STARD3: variants seen among roughly 807,000 people sequenced by gnomAD.
STARD3 encodes StAR related lipid transfer domain containing 3.
STARD3 carries 39 observed loss-of-function variants against 62.0 expected under a neutral mutation model. The observed-to-expected ratio is 0.63, with a 90% CI of 0.49 to 0.82. The LOEUF is 0.82. STARD3 is among the 40% of genes least tolerant of loss of function. The pLI, the probability that STARD3 is intolerant of heterozygous loss-of-function variation, is 0.00. For synonymous variants in STARD3, 229 were observed against 242.4 expected, an observed-to-expected ratio of 0.94 and a Z score of 0.51; for missense variants, 543 against 584.5, an observed-to-expected ratio of 0.93 and a Z score of 0.73.
chr17:39,657,860 G>A lies in STARD3; in HGVS notation c.375+8G>A. On this transcript the variant is annotated splice_region_variant and intron_variant, in intron 4 of 14. Transcript: ENST00000336308. ...CACTGGTGGGTGATTGCGGTAAGAT[G>A]CCACTTTCCTGGCAGCTTCTGGGCC... 1 of 1,614,188 alleles carries A rather than the reference G, an allele frequency of 6.2e-7. No individual in the cohort carries two copies. Among genetic ancestry groups the A allele is most frequent in the Admixed American group, 1.7e-5 (1 of 60,018 alleles).
chr17:39,639,173 T>C (rs975877023), intron 1 of STARD3, among the ~76,000 whole-genome samples: 2 of 152,232 alleles, frequency 1.3e-5, no homozygotes, highest in Non-Finnish European at 2.9e-5. Context: ...AGTTATGATT[T>C]TTAATTTCAT....
intron 13 of STARD3, chr17:39,661,400 G>A (rs2057196674): frequency 5.0e-6 from 2 of 401,256 alleles, no homozygotes; most frequent in African/African-American, 2.0e-5. Flanking sequence ...CTCACTCTGG[G>A]CTGATTGACC....
Position 39,660,583 on chromosome 17 carries a change from TGG to T in STARD3, c.954+59_954+60del. ...AGATGGGGGCACAGCCACGCCTCAG[TGG>T]GATCACTGAAGCACTCAGCGCCTCA... is the stretch of plus-strand genomic sequence containing the variant. On this transcript the variant is annotated intron_variant, in intron 11 of 14. Coordinates refer to ENST00000336308, the MANE Select transcript of STARD3 (RefSeq NM_006804.4). This position sits in a 1 kb window ranked among gnomAD's most constrained non-coding sequence, Gnocchi z 4.8. 6.3e-7 allele frequency: 1 copy of T among 1,580,932 alleles called. No individual in the cohort carries two copies. Among genetic ancestry groups the T allele is most frequent in the Non-Finnish European group, 8.7e-7 (1 of 1,151,166 alleles).
intron 1 of STARD3, among the ~76,000 whole-genome samples, chr17:39,648,872 C>G (rs1047104038): frequency 1.3e-5 from 2 of 152,166 alleles, no homozygotes; most frequent in African/African-American, 2.4e-5. Context: ...ACTCCAAGTG[C>G]GTCTCACACC....
rs1049888358 is a variant in STARD3, at chr17:39,663,307, G to A, written c.*399G>A. ...CTCTTCATCTGCCTGCGCTCTCGTC[G>A]GTTTTTTTAGGATTATTGAAAGAGT... is the stretch of plus-strand genomic sequence containing the variant. On this transcript the variant is annotated 3_prime_UTR_variant, in exon 15 of 15. Transcript: ENST00000336308. 7.9e-6 allele frequency: 3 copies of A among 381,986 alleles called. No individual in the cohort carries two copies. Among genetic ancestry groups the A allele is most frequent in the Middle Eastern group, 6.6e-4 (1 of 1,524 alleles). The allele number at this position is 381,986 out of a possible 1,614,324, so 23.7% of individuals were successfully genotyped here.
rs200901213 is a variant in STARD3, at chr17:39,653,645, G to A, written c.114G>A (p.Pro38=). The A allele has an allele frequency of 1.9e-5, 31 of 1,613,948 alleles. No homozygotes were observed. Among genetic ancestry groups the A allele is most frequent in the African/African-American group, 2.7e-5 (2 of 75,042 alleles). ...HSQSLSSHLL[P]PPEKRRAISD... The stretch of plus-strand genomic sequence containing the variant: ...AGAGCCTCTCCTCGCACCTCCTTCC[G>A]CCGCCTGAGAAGCGAAGGGCCATCT... Residue 38 remains proline, a synonymous_variant, in exon 2 of 15, where the codon CCG becomes CCA. Coordinates refer to ENST00000336308, the MANE Select transcript of STARD3 (RefSeq NM_006804.4).
rs1373710195 is a variant in STARD3, at chr17:39,660,918, A to G, written c.1034+29A>G. ...AGTCCATGCCGGGCCCCCTCCTTTC[A>G]GCCAGGTCTTCTGCACTTTGGCCTT... is the stretch of plus-strand genomic sequence containing the variant. On this transcript the variant is annotated intron_variant, in intron 12 of 14. Coordinates refer to ENST00000336308, the MANE Select transcript of STARD3 (RefSeq NM_006804.4). The surrounding 1 kb of genome is among the most constrained non-coding windows in gnomAD (Gnocchi z 4.8). The G allele has an allele frequency of 6.2e-7, 1 of 1,606,950 alleles. No individual in the cohort carries two copies. The highest frequency in any genetic ancestry group is 2.2e-5 in the East Asian group (1 of 44,696).
chr17:39,648,871 G>A lies in STARD3; in HGVS notation c.-51-4610G>A, dbSNP rs531038824. Reference sequence around the variant, plus strand: ...TGTCAGTGTGGTTGCCACTCCAAGTGCGTCTCACACCCAAGCTGCTGCCAT... The same window carrying A: ...TGTCAGTGTGGTTGCCACTCCAAGTACGTCTCACACCCAAGCTGCTGCCAT... On this transcript the variant is annotated intron_variant, in intron 1 of 14. Transcript: ENST00000336308. Among the ~76,000 whole-genome samples the A allele has an allele frequency of 2.0e-5, 3 of 152,304 alleles. No homozygotes were observed. The South Asian group carries it at 6.2e-4, about 32-fold the overall frequency.
In STARD3 at chr17:39,657,543, CT is replaced by C. The variant is rs2057143127; in HGVS notation, c.298-229del. ...CTCTGTCTCAAAAAAAAAAAAAAAC[CT>C]TTCCTCCACAAAGCCCCCTTCAGAG... On this transcript the variant is annotated intron_variant, in intron 3 of 14. Transcript: ENST00000336308. Among the ~76,000 whole-genome samples, 6 of 151,700 alleles carry C rather than the reference CT, an allele frequency of 4.0e-5. No individual in the cohort carries two copies. The South Asian group carries it at 1.2e-3, about 31-fold the overall frequency.
At chr17:39,662,129 C>T (rs2057205756) in intron 13 of STARD3, 122 bp from the exon 14 acceptor site, 1 of 844,710 alleles carries the variant, frequency 1.2e-6, no homozygotes, top group Non-Finnish European at 1.9e-6. Context: ...GGTAGCTCTG[C>T]CTTTCTGCTT....
Position 39,663,879 on chromosome 17 carries a change from C to T in STARD3, c.*971C>T, listed in dbSNP as rs556368886. 1.3e-5 allele frequency among the ~76,000 whole-genome samples: 2 copies of T among 152,178 alleles called. No individual in the cohort carries two copies. The highest frequency in any genetic ancestry group is 3.9e-4 in the East Asian group (2 of 5,170). On this transcript the variant is annotated 3_prime_UTR_variant, in exon 15 of 15. Coordinates refer to ENST00000336308, the MANE Select transcript of STARD3 (RefSeq NM_006804.4). ...CCTCTGGGATCCAGGCCACCTGGAG[C>T]CCCGGACCTCCCAGACTCCACTCAC...
intron 2 of STARD3, among the ~76,000 whole-genome samples, chr17:39,656,328 T>A (rs139451551): frequency 6.6e-4 from 101 of 152,196 alleles, no homozygotes; most frequent in Middle Eastern, 3.4e-3. Context: ...GTCACCCCCG[T>A]CATTCCAAGG....
chr17:39,658,663 G>A (rs1210366841), intron 6 of STARD3, 59 bp from the exon 7 acceptor site: 3 of 1,595,434 alleles, frequency 1.9e-6, no homozygotes, highest in South Asian at 1.1e-5. Flanking sequence ...TTGGGTGGGG[G>A]TACCCCAGGC....
chr17:39,660,475 C>T lies in STARD3; in HGVS notation c.903C>T (p.Ile301=). The part of the protein sequence containing the change: ...CPAELVYQEV[I]LQPERMVLWN... Reference sequence around the variant, plus strand: ...CGGAGCTCGTGTACCAGGAGGTGATCCTGCAGCCCGAGAGGATGGTGCTGT... The same window carrying T: ...CGGAGCTCGTGTACCAGGAGGTGATTCTGCAGCCCGAGAGGATGGTGCTGT... The change falls in exon 11 of 15, where the codon ATC becomes ATT. Residue 301 remains isoleucine, a synonymous_variant. Coordinates refer to ENST00000336308, the MANE Select transcript of STARD3 (RefSeq NM_006804.4). The surrounding 1 kb of genome is among the most constrained non-coding windows in gnomAD (Gnocchi z 4.8). The T allele has an allele frequency of 6.2e-7, 1 of 1,613,996 alleles. No homozygotes were observed.
chr17:39,643,827 T>C (rs2057001549), intron 1 of STARD3, among the ~76,000 whole-genome samples: 1 of 152,232 alleles, frequency 6.6e-6, no homozygotes. Context: ...CAGCCACCAC[T>C]CTGTGTCAGA....
At position 39,657,032 on chromosome 17, in the gene STARD3, T is replaced by A; in HGVS notation, c.244T>A (p.Leu82Met). ...LNTNTGIRKN[L>M]EQEIIQYNFK... ...GACCAACACAGGCATCCGTAAGAAC[T>A]TGGAGCAGGAGATCATCCAGTACAA... Residue 82 changes from leucine to methionine, a missense_variant, in exon 3 of 15, where the codon TTG becomes ATG. Coordinates refer to ENST00000336308, the MANE Select transcript of STARD3 (RefSeq NM_006804.4). 2 of 1,614,174 alleles carry A rather than the reference T, an allele frequency of 1.2e-6. No individual in the cohort carries two copies. The highest frequency in any genetic ancestry group is 1.7e-4 in the Middle Eastern group (1 of 6,060).
In STARD3 at chr17:39,662,627, C is replaced by T; in HGVS notation, c.1234-177C>T. ...CCTGGTCTGTTTGTGTTGCTGGTGCCAAGAGCCAGGCCCAGCATGTTCTTC... is the reference window on the plus strand; with the variant it reads ...CCTGGTCTGTTTGTGTTGCTGGTGCTAAGAGCCAGGCCCAGCATGTTCTTC... On this transcript the variant is annotated intron_variant, in intron 14 of 14. Coordinates refer to ENST00000336308, the MANE Select transcript of STARD3 (RefSeq NM_006804.4). 4.5e-6 allele frequency: 3 copies of T among 664,036 alleles called. No homozygotes were observed. The South Asian group carries it at 5.8e-5, about 13-fold the overall frequency. 41.1% of individuals were successfully genotyped at this position (664,036 alleles called of 1,614,324 possible).
At chr17:39,640,725 T>A (rs1355143075) in intron 1 of STARD3, among the ~76,000 whole-genome samples, 1 of 150,528 alleles carries the variant, frequency 6.6e-6, no homozygotes, top group Admixed American at 6.6e-5. Context: ...TCCCTGATGA[T>A]TCACAGGGCC....
At chr17:39,646,696 C>T (rs562635107) in intron 1 of STARD3, among the ~76,000 whole-genome samples, 2 of 152,304 alleles carry the variant, frequency 1.3e-5, no homozygotes, top group South Asian at 4.1e-4. Context: ...ATACCAGCCA[C>T]CTCCTGTTTG....
Sources: gnomAD v4.1 joint callset for allele counts (sites outside exome capture counted in the v4.1 genomes callset) on GRCh38, gnomAD v4.1.1 for gene constraint, Gnocchi (gnomAD v3.1) non-coding constraint, MANE v1.5 for transcripts, NCBI Gene and HGNC (gene_info 2026-07-23, HGNC 2026-07-21) for gene names.